TRAPPC9: variants seen among roughly 807,000 people sequenced by gnomAD.
The protein encoded by TRAPPC9 is IKK2 binding protein.
In TRAPPC9, 83 loss-of-function variants were observed where a neutral mutation model predicts 124.0. That is an observed-to-expected ratio of 0.67 (90% CI 0.56 to 0.80). The LOEUF (loss-of-function observed/expected upper bound fraction) is 0.80. TRAPPC9 is among the 30% of genes least tolerant of loss of function. The probability of loss-of-function intolerance (pLI) is 0.00; values close to 1 mark genes in which losing one functional copy is unlikely to be tolerated. For synonymous variants in TRAPPC9, 638 were observed against 617.5 expected, an observed-to-expected ratio of 1.03 and a Z score of -0.49; for missense variants, 1,302 against 1,508.3, an observed-to-expected ratio of 0.86 and a Z score of 2.27.
At chr8:139,920,562 G>T (rs974913599) in intron 19 of TRAPPC9, among the ~76,000 whole-genome samples, 4 of 152,208 alleles carry the variant, frequency 2.6e-5, no homozygotes, top group African/African-American at 4.8e-5. Flanking sequence ...TGGGCCCAGG[G>T]CAGGGCACAC....
At chr8:139,764,017 T>TG (rs35523588) in intron 21 of TRAPPC9, among the ~76,000 whole-genome samples, 2 of 152,196 alleles carry the variant, frequency 1.3e-5, no homozygotes, top group South Asian at 2.1e-4. Context: ...GGTCTGCCGA[T>TG]GGGGGGTTGT....
At chr8:140,294,484 G>A (rs1025498796) in intron 11 of TRAPPC9, among the ~76,000 whole-genome samples, 1 of 151,992 alleles carries the variant, frequency 6.6e-6, no homozygotes, top group Non-Finnish European at 1.5e-5. Flanking sequence ...TGATGATGAT[G>A]ATAATAAGCC....
intron 7 of TRAPPC9, among the ~76,000 whole-genome samples, chr8:140,390,814 C>T (rs2068904078): frequency 6.6e-6 from 1 of 152,198 alleles, no homozygotes; most frequent in Admixed American, 6.5e-5. Context: ...AAGGAACTTA[C>T]TTTCCTCCTT....
intron 21 of TRAPPC9, among the ~76,000 whole-genome samples, chr8:139,877,075 T>C (rs1439763164): frequency 6.6e-6 from 1 of 152,210 alleles, no homozygotes; most frequent in Admixed American, 6.5e-5. Context: ...TGGTGATTAG[T>C]TGGAGAATGT....
intron 19 of TRAPPC9, among the ~76,000 whole-genome samples, chr8:139,961,305 G>A (rs1217860292): frequency 8.0e-6 from 1 of 124,486 alleles, no homozygotes; most frequent in African/African-American, 2.5e-5. Flanking sequence ...CTGTGGCAGG[G>A]AGCATGGCAG....
intron 20 of TRAPPC9, among the ~76,000 whole-genome samples, chr8:139,899,074 C>G (rs1480897199): frequency 7.1e-6 from 1 of 140,846 alleles, no homozygotes; most frequent in Admixed American, 7.5e-5. Context: ...GAGCCGAGAT[C>G]GCACCATTGC....
In TRAPPC9 at chr8:140,389,346, A is replaced by T. The variant is rs552332156; in HGVS notation, c.1134+8274T>A. ...TTGAAGTCTTTCCAGGTAAAAATAA[A>T]GTATATTATACATTACAAATATAAA... On this transcript the variant is annotated intron_variant, in intron 7 of 22. Coordinates refer to ENST00000438773, the MANE Select transcript of TRAPPC9 (RefSeq NM_001160372.4). 2.2e-4 allele frequency among the ~76,000 whole-genome samples: 33 copies of T among 152,338 alleles called. No individual in the cohort carries two copies. The South Asian group carries it at 2.3e-3, about 11-fold the overall frequency.
chr8:140,273,315 C>T (rs1412386334), intron 15 of TRAPPC9, among the ~76,000 whole-genome samples: 3 of 152,226 alleles, frequency 2.0e-5, no homozygotes, highest in East Asian at 1.9e-4. Context: ...ACACTCTGCA[C>T]CTGTCAGCCA....
intron 20 of TRAPPC9, among the ~76,000 whole-genome samples, chr8:139,894,134 A>G (rs1304267139): frequency 6.6e-6 from 1 of 152,170 alleles, no homozygotes; most frequent in East Asian, 1.9e-4. Context: ...AGTGCCCTTT[A>G]TGAGAATTCT....
chr8:139,737,474 C>T (rs931710197), intron 21 of TRAPPC9, among the ~76,000 whole-genome samples: 1 of 125,926 alleles, frequency 7.9e-6, no homozygotes. Flanking sequence ...CCTCCCCCCC[C>T]CCCCACGGAA....
intron 7 of TRAPPC9, among the ~76,000 whole-genome samples, chr8:140,390,852 C>T (rs2068905056): frequency 1.3e-5 from 2 of 152,096 alleles, no homozygotes; most frequent in African/African-American, 4.8e-5. Context: ...TTTGTGAGAA[C>T]TATGAAATCC....
At chr8:139,845,649 A>G (rs1249877507) in intron 21 of TRAPPC9, among the ~76,000 whole-genome samples, 1 of 152,150 alleles carries the variant, frequency 6.6e-6, no homozygotes, top group African/African-American at 2.4e-5. Context: ...GCAGTGTGGG[A>G]GCAGCTGTCC....
At chr8:139,931,673 C>T (rs977854650) in intron 19 of TRAPPC9, 2 of 153,374 alleles carry the variant, frequency 1.3e-5, no homozygotes, top group African/African-American at 2.4e-5. Flanking sequence ...ACATCCTGCC[C>T]GCCTGAGCAG....
intron 17 of TRAPPC9, among the ~76,000 whole-genome samples, chr8:140,124,688 A>G (rs940321540): frequency 8.7e-6 from 1 of 115,072 alleles, no homozygotes; most frequent in African/African-American, 3.4e-5. Flanking sequence ...AGACCCTCAG[A>G]GGGGAAGACC....
chr8:140,024,999 C>T (rs1348006898), intron 17 of TRAPPC9, among the ~76,000 whole-genome samples: 2 of 152,186 alleles, frequency 1.3e-5, no homozygotes, highest in African/African-American at 4.8e-5. Flanking sequence ...GGGGAGTACT[C>T]ATGTGCTCCT....
At chr8:140,153,572 T>C (rs1317556954) in intron 17 of TRAPPC9, among the ~76,000 whole-genome samples, 1 of 152,176 alleles carries the variant, frequency 6.6e-6, no homozygotes. Context: ...TTAAAGGCAT[T>C]GTCTCTGCCT....
chr8:140,025,935 T>C (rs780774634), intron 17 of TRAPPC9, among the ~76,000 whole-genome samples: 4 of 152,174 alleles, frequency 2.6e-5, no homozygotes, highest in African/African-American at 9.7e-5. Context: ...ATCTCCATCA[T>C]CCATTTCCGT....
intron 3 of TRAPPC9, 151 bp from the exon 4 acceptor site, chr8:140,435,391 C>T (rs2070779588): frequency 8.4e-7 from 1 of 1,188,858 alleles, no homozygotes; most frequent in East Asian, 2.5e-5. Flanking sequence ...AATTTTTCTC[C>T]CAAAACAAAG....
chr8:139,902,942 C>T (rs556251766), intron 20 of TRAPPC9, among the ~76,000 whole-genome samples: 40 of 152,344 alleles, frequency 2.6e-4, no homozygotes, highest in African/African-American at 9.4e-4. Context: ...AATCCTTACA[C>T]TGTCCTGCTG....
Sources: gnomAD v4.1 joint callset for allele counts (sites outside exome capture counted in the v4.1 genomes callset) on GRCh38, gnomAD v4.1.1 for gene constraint, MANE v1.5 for transcripts, NCBI Gene and HGNC (gene_info 2026-07-23, HGNC 2026-07-21) for gene names.